IL1RL2: variants seen among roughly 807,000 people sequenced by gnomAD.
IL1RL2 encodes interleukin-1 receptor-like 2.
IL1RL2 carries 68 observed loss-of-function variants against 66.8 expected under a neutral mutation model. The ratio of observed to expected loss-of-function variants is 1.02; its 90% confidence interval spans 0.84 to 1.25. IL1RL2 has a LOEUF of 1.25. Ranked by LOEUF, IL1RL2 falls within the 50% of genes most tolerant of loss-of-function variation. IL1RL2 has a pLI of 0.00. For synonymous variants in IL1RL2, 305 were observed against 264.6 expected (o/e 1.15, Z -1.48); for missense variants, 729 against 709.3 (o/e 1.03, Z -0.32).
chr2:102,193,435 A>T (rs1234174993), intron 4 of IL1RL2, among the ~76,000 whole-genome samples: 1 of 152,094 alleles, frequency 6.6e-6, no homozygotes, highest in Non-Finnish European at 1.5e-5. Flanking sequence ...ACAGAGTCTC[A>T]CTCTGTTGTC....
intron 4 of IL1RL2, among the ~76,000 whole-genome samples, chr2:102,200,985 A>G (rs1688204991): frequency 6.6e-6 from 1 of 152,082 alleles, no homozygotes; most frequent in Non-Finnish European, 1.5e-5. Flanking sequence ...GACTTCTATA[A>G]AGTCCAATGC....
intron 4 of IL1RL2, among the ~76,000 whole-genome samples, chr2:102,201,207 C>T (rs1688222810): frequency 6.6e-6 from 1 of 152,088 alleles, no homozygotes; most frequent in South Asian, 2.1e-4. Context: ...AGTCTTCCTT[C>T]CAACTCACGT....
upstream of IL1RL2, chr2:102,186,988 G>C (rs759397341): frequency 3.9e-6 from 5 of 1,287,676 alleles, no homozygotes; most frequent in South Asian, 6.2e-5. Context: ...CCACGGTGGC[G>C]GGGAAATACC....
downstream of IL1RL2, among the ~76,000 whole-genome samples, chr2:102,240,936 G>A (rs1675213180): frequency 6.6e-6 from 1 of 152,242 alleles, no homozygotes; most frequent in African/African-American, 2.4e-5. Context: ...TGAGACACAG[G>A]ACAAACAAGG....
chr2:102,220,620 C>A (rs970610937), intron 8 of IL1RL2, among the ~76,000 whole-genome samples: 9 of 152,116 alleles, frequency 5.9e-5, no homozygotes, highest in African/African-American at 1.7e-4. Flanking sequence ...AAATACCTTG[C>A]AAAATGCTGT....
In IL1RL2 at chr2:102,189,099, A is replaced by C; in HGVS notation, c.82A>C (p.Lys28Gln). 1 of 1,613,798 alleles carries C rather than the reference A, an allele frequency of 6.2e-7. No homozygotes were observed. ...TADGCKDIFM[K>Q]NEILSASQPF... is the part of the protein sequence containing the mutation. ...AGATGGATGCAAGGACATTTTTATGAAAAATGAGATACTTTCAGCAAGCCA... is the reference window on the plus strand; with the variant it reads ...AGATGGATGCAAGGACATTTTTATGCAAAATGAGATACTTTCAGCAAGCCA... The change falls in exon 3 of 12, where the codon AAA (lysine) becomes CAA (glutamine). Residue 28 changes from lysine (K) to glutamine (Q), a missense_variant. Lys to Gln is a moderately conservative substitution (Grantham distance 53). Coordinates refer to ENST00000264257, the MANE Select transcript of IL1RL2 (RefSeq NM_003854.4).
intron 10 of IL1RL2, among the ~76,000 whole-genome samples, chr2:102,234,522 G>T (rs977564244): frequency 6.6e-6 from 1 of 152,186 alleles, no homozygotes; most frequent in East Asian, 1.9e-4. Flanking sequence ...GGCCAGGCAA[G>T]GTGGCTCACA....
intron 9 of IL1RL2, 54 bp downstream of exon 9, chr2:102,226,095 T>A: frequency 7.3e-7 from 1 of 1,368,870 alleles, no homozygotes; most frequent in Non-Finnish European, 9.8e-7. Flanking sequence ...CTCTTATACA[T>A]ATACAACGAT....
At chr2:102,198,455 C>T (rs1687967793) in intron 4 of IL1RL2, among the ~76,000 whole-genome samples, 1 of 152,130 alleles carries the variant, frequency 6.6e-6, no homozygotes, top group East Asian at 1.9e-4. Context: ...TCCCAAATTA[C>T]TCCTCAGCAC....
chr2:102,193,764 C>T (rs917899900), intron 4 of IL1RL2, among the ~76,000 whole-genome samples: 1 of 151,984 alleles, frequency 6.6e-6, no homozygotes, highest in Admixed American at 6.6e-5. Context: ...TTTTATTTTG[C>T]TTTTCCTTAA....
intron 6 of IL1RL2, among the ~76,000 whole-genome samples, chr2:102,214,910 G>C (rs985087161): frequency 6.6e-6 from 1 of 152,182 alleles, no homozygotes; most frequent in Non-Finnish European, 1.5e-5. Flanking sequence ...GTCTGAAGGA[G>C]GGCGCTGGAG....
chr2:102,219,961 T>C lies in IL1RL2; in HGVS notation c.935T>C (p.Leu312Pro). The C allele has an allele frequency of 6.2e-7, 1 of 1,613,954 alleles. No individual in the cohort carries two copies. The highest frequency in any genetic ancestry group is 8.5e-7 in the Non-Finnish European group (1 of 1,179,856). ...GAAGTGAAAATGGAAGATTATGGCC[T>C]TCCTTTCATGTGCCACGCTGGAGTG... ...FLEVKMEDYG[L>P]PFMCHAGVST... The change falls in exon 8 of 12, where the codon CTT becomes CCT. Residue 312 changes from leucine (L) to proline (P), a missense_variant. Coordinates refer to ENST00000264257, the MANE Select transcript of IL1RL2 (RefSeq NM_003854.4).
At chr2:102,200,949 T>C (rs1036392735) in intron 4 of IL1RL2, among the ~76,000 whole-genome samples, 1 of 152,104 alleles carries the variant, frequency 6.6e-6, no homozygotes, top group Non-Finnish European at 1.5e-5. Context: ...GACCTTCAAA[T>C]TGGATGTTGG....
chr2:102,189,305 T>C lies in IL1RL2; in HGVS notation c.288T>C (p.Val96=). 6.3e-7 allele frequency: 1 copy of C among 1,589,334 alleles called. No individual in the cohort carries two copies. Among genetic ancestry groups the C allele is most frequent in the South Asian group, 1.1e-5 (1 of 89,010 alleles). The stretch of plus-strand genomic sequence containing the variant: ...GGGACTCAGGAGTCTACCAATGTGT[T>C]ATAAAGTAAGTTCCTAATTTAAAAT... ...EWGDSGVYQC[V]IKGRDSCHRI... is the part of the protein sequence containing the mutation. The change falls in exon 3 of 12, where the codon GTT becomes GTC. Residue 96 remains valine (V), a synonymous_variant. Coordinates refer to ENST00000264257, the MANE Select transcript of IL1RL2 (RefSeq NM_003854.4).
rs765552433 is a variant in IL1RL2 at position 102,210,768 on chromosome 2, T to A, written c.650-1332T>A. On this transcript the variant is annotated intron_variant, in intron 5 of 11. Coordinates refer to ENST00000264257, the MANE Select transcript of IL1RL2 (RefSeq NM_003854.4). The stretch of plus-strand genomic sequence containing the variant: ...GTGAGATCATGAGTTTGGTCATTGC[T>A]ACGTTGAGTATGAGGTGCCTTTGGA... Among the ~76,000 whole-genome samples, 3 of 152,204 alleles carry A rather than the reference T, an allele frequency of 2.0e-5. 1 individual carries two copies.
At chr2:102,225,866 AATT>A (rs1559556871) in intron 8 of IL1RL2, 29 bp from the exon 9 acceptor site, 2 of 1,446,192 alleles carry the variant, frequency 1.4e-6, no homozygotes, top group Non-Finnish European at 9.2e-7. Flanking sequence ...TTATAATTAT[AATT>A]ATTATTATTT....
At chr2:102,226,841 C>A (rs1185924835) in intron 9 of IL1RL2, among the ~76,000 whole-genome samples, 1 of 152,170 alleles carries the variant, frequency 6.6e-6, no homozygotes, top group African/African-American at 2.4e-5. Context: ...TTAAATCCTG[C>A]TTTTTGACAG....
intron 8 of IL1RL2, among the ~76,000 whole-genome samples, 179 bp downstream of exon 8, chr2:102,220,196 G>A (rs1689982203): frequency 6.6e-6 from 1 of 152,198 alleles, no homozygotes. Context: ...TTGTTGGAGT[G>A]AGGCTGTGAT....
At chr2:102,216,058 A>G (rs1169481963) in intron 6 of IL1RL2, among the ~76,000 whole-genome samples, 1 of 152,228 alleles carries the variant, frequency 6.6e-6, no homozygotes, top group East Asian at 1.9e-4. Context: ...GATTTGCTAA[A>G]TGCCTGAAAA....
Sources: allele counts gnomAD v4.1 joint callset (sites outside exome capture counted in the v4.1 genomes callset), GRCh38; gene constraint gnomAD v4.1.1; transcripts MANE v1.5; gene names NCBI Gene and HGNC (gene_info 2026-07-23, HGNC 2026-07-21).